EEIG2: variants seen among roughly 807,000 people sequenced by gnomAD.
EEIG2 encodes the protein family with sequence similarity 102 member B.
the EEIG2 span, among the ~76,000 whole-genome samples, chr1:108,613,832 T>G: frequency 1.3e-5 from 2 of 152,024 alleles, no homozygotes; most frequent in African/African-American, 4.8e-5. Context: ...CTATATTTTC[T>G]CTCCTGATAG....
At chr1:108,574,929 T>G in the EEIG2 span, among the ~76,000 whole-genome samples, 2 of 152,242 alleles carry the variant, frequency 1.3e-5, no homozygotes, top group African/African-American at 4.8e-5. Flanking sequence ...AACTTCATAA[T>G]TTAGGAACAT....
At chr1:108,581,812 T>A in the EEIG2 span, among the ~76,000 whole-genome samples, 1 of 152,196 alleles carries the variant, frequency 6.6e-6, no homozygotes, top group African/African-American at 2.4e-5. Flanking sequence ...AGCAAAGGAT[T>A]TAGAATAGTT....
the EEIG2 span, among the ~76,000 whole-genome samples, chr1:108,606,905 C>G: frequency 6.6e-6 from 1 of 152,112 alleles, no homozygotes; most frequent in Non-Finnish European, 1.5e-5. Context: ...TCAAGTGATC[C>G]TCCTGCCTTG....
At chr1:108,560,324 A>C in the EEIG2 span, 1 of 929,722 alleles carries the variant, frequency 1.1e-6, no homozygotes. Context: ...GCCCCCGCGC[A>C]CAGCTCGCGG....
chr1:108,586,974 C>A, the EEIG2 span, among the ~76,000 whole-genome samples: 1 of 152,172 alleles, frequency 6.6e-6, no homozygotes, highest in African/African-American at 2.4e-5. Context: ...ATTTCCTACA[C>A]AACACCAATG....
the EEIG2 span, chr1:108,600,752 G>T: frequency 6.6e-7 from 1 of 1,517,280 alleles, no homozygotes; most frequent in East Asian, 2.3e-5. Context: ...TCACTGGCTG[G>T]CTTTGTTTAT....
At chr1:108,568,880 C>T in the EEIG2 span, among the ~76,000 whole-genome samples, 11 of 152,322 alleles carry the variant, frequency 7.2e-5, no homozygotes, top group Admixed American at 2.6e-4. Context: ...CACCATGCCA[C>T]ATCCAGCCCC....
the EEIG2 span, among the ~76,000 whole-genome samples, chr1:108,607,729 C>T: frequency 6.6e-6 from 1 of 152,294 alleles, no homozygotes; most frequent in South Asian, 2.1e-4. Context: ...CTGGGCTAGG[C>T]AAACAACAAG....
the EEIG2 span, among the ~76,000 whole-genome samples, chr1:108,617,313 G>T: frequency 1.2e-4 from 19 of 152,288 alleles, no homozygotes; most frequent in East Asian, 3.7e-3. Flanking sequence ...TAGACAATCT[G>T]TAGGAGTAAC....
chr1:108,571,995 CT>C, the EEIG2 span, among the ~76,000 whole-genome samples: 1 of 152,126 alleles, frequency 6.6e-6, no homozygotes, highest in African/African-American at 2.4e-5. Context: ...ACTACATTTC[CT>C]GTCTCTTAAG....
At chr1:108,570,117 G>A in the EEIG2 span, among the ~76,000 whole-genome samples, 2 of 152,148 alleles carry the variant, frequency 1.3e-5, no homozygotes, top group Non-Finnish European at 2.9e-5. Context: ...CTCAAGAATA[G>A]GTAGAAAGGA....
the EEIG2 span, among the ~76,000 whole-genome samples, chr1:108,578,787 A>G: frequency 6.7e-6 from 1 of 149,280 alleles, no homozygotes; most frequent in Admixed American, 6.7e-5. Flanking sequence ...CCAATATTCA[A>G]CATTCTTAAA....
chr1:108,626,049 CT>C, the EEIG2 span: 1 of 152,168 alleles, frequency 6.6e-6, no homozygotes, highest in Non-Finnish European at 1.5e-5. Flanking sequence ...ATTCTTGATG[CT>C]TTCTCTTCCC....
At chr1:108,586,314 GGTGTGTGTGTGTGTGTGTGTGTGT>G in the EEIG2 span, among the ~76,000 whole-genome samples, 2 of 148,000 alleles carry the variant, frequency 1.4e-5, 1 homozygote, top group South Asian at 4.3e-4. Flanking sequence ...TACGCAGAGG[GGTGTGTGTGTGTGTGTGTGTGTGT>G]GTGTGTGTGT....
chr1:108,560,696 C>A, the EEIG2 span: 1 of 1,097,398 alleles, frequency 9.1e-7, no homozygotes, highest in Non-Finnish European at 1.2e-6. Flanking sequence ...ATTTATTGAT[C>A]TGCAAAGTGC....
At chr1:108,577,177 A>G in the EEIG2 span, among the ~76,000 whole-genome samples, 2 of 101,904 alleles carry the variant, frequency 2.0e-5, no homozygotes, top group African/African-American at 7.6e-5. Context: ...GTTGGAGTTC[A>G]TTGTAGATTC....
chr1:108,583,448 C>CT, the EEIG2 span, among the ~76,000 whole-genome samples: 8,076 of 143,684 alleles, frequency 0.056, 625 homozygotes, highest in African/African-American at 0.18. Context: ...AACCCTCCTG[C>CT]TTTTTTTTTT....
the EEIG2 span, chr1:108,600,763 C>A: frequency 6.8e-7 from 1 of 1,478,366 alleles, no homozygotes; most frequent in Non-Finnish European, 9.2e-7. Context: ...CTTTGTTTAT[C>A]TCTGCTTTAT....
the EEIG2 span, among the ~76,000 whole-genome samples, chr1:108,606,909 T>A: frequency 6.6e-6 from 1 of 152,150 alleles, no homozygotes; most frequent in Admixed American, 6.5e-5. Flanking sequence ...GTGATCCTCC[T>A]GCCTTGGCCT....
Sources: allele counts gnomAD v4.1 joint callset (sites outside exome capture counted in the v4.1 genomes callset), GRCh38; gene constraint gnomAD v4.1.1; transcripts MANE v1.5; gene names NCBI Gene and HGNC (gene_info 2026-07-23, HGNC 2026-07-21).